ANKRD12: variants seen among roughly 807,000 people sequenced by gnomAD.
The protein encoded by ANKRD12 is ankyrin repeat domain-containing protein 12.
ANKRD12 carries 85 observed loss-of-function variants against 183.4 expected under a neutral mutation model. That is an observed-to-expected ratio of 0.46 (90% CI 0.39 to 0.56). The LOEUF (loss-of-function observed/expected upper bound fraction) is 0.56, where lower values mean the gene tolerates loss of function less well. Ranked by LOEUF, ANKRD12 falls within the 20% of genes least tolerant of loss-of-function variation. ANKRD12 has a pLI of 0.00. For missense variants in ANKRD12, 2,405 were observed against 2,357.1 expected (o/e 1.02, Z -0.42); for synonymous variants, 914 against 800.2 (o/e 1.14, Z -2.40).
At chr18:9,204,599 A>G (rs1341360859) in intron 4 of ANKRD12, 55 bp downstream of exon 4, 2 of 1,292,742 alleles carry the variant, frequency 1.5e-6, no homozygotes, top group Non-Finnish European at 2.2e-6. Context: ...CACATTTACA[A>G]TTAATTATTG....
chr18:9,218,007 C>T (rs556693373), intron 7 of ANKRD12, among the ~76,000 whole-genome samples: 9 of 152,234 alleles, frequency 5.9e-5, no homozygotes, highest in Admixed American at 5.9e-4. Context: ...TTGAATTTAT[C>T]GGAAACTGAC....
At chr18:9,166,790 C>T (rs1421364211) in intron 1 of ANKRD12, among the ~76,000 whole-genome samples, 1 of 152,098 alleles carries the variant, frequency 6.6e-6, no homozygotes, top group Non-Finnish European at 1.5e-5. Flanking sequence ...GAAGTCCTTG[C>T]CCATGCCTGT....
intron 2 of ANKRD12, among the ~76,000 whole-genome samples, chr18:9,189,102 A>G (rs2034292325): frequency 1.3e-5 from 2 of 152,230 alleles, no homozygotes; most frequent in South Asian, 2.1e-4. Flanking sequence ...GAAGAACACT[A>G]AAAGTGCTGT....
At chr18:9,219,833 A>G (rs2036317770) in intron 7 of ANKRD12, among the ~76,000 whole-genome samples, 1 of 151,934 alleles carries the variant, frequency 6.6e-6, no homozygotes, top group South Asian at 2.1e-4. Context: ...GGAAACGACT[A>G]TTAGATCAAA....
At chr18:9,280,003 GA>G (rs2040033455) in intron 12 of ANKRD12, among the ~76,000 whole-genome samples, 1 of 152,148 alleles carries the variant, frequency 6.6e-6, no homozygotes, top group East Asian at 1.9e-4. Context: ...AATCATTTCA[GA>G]AGTCTTTCCC....
At chr18:9,208,298 TTA>T (rs1211754728) in intron 4 of ANKRD12, among the ~76,000 whole-genome samples, 1 of 152,150 alleles carries the variant, frequency 6.6e-6, no homozygotes, top group Non-Finnish European at 1.5e-5. Flanking sequence ...ACAAATAAAA[TTA>T]TAGTGAATAA....
At position 9,258,443 on chromosome 18, in the gene ANKRD12, A is replaced by G. The variant is rs184284763; in HGVS notation, c.5176A>G (p.Lys1726Glu). 143 of 1,613,834 alleles carry G rather than the reference A, an allele frequency of 8.9e-5. No homozygotes were observed. The highest frequency in any genetic ancestry group is 1.7e-4 in the Admixed American group (10 of 59,894). Reference protein sequence around the residue: ...VELEENAEDDKTENQIPQRMT... With the variant: ...VELEENAEDDETENQIPQRMT... ...ATTAGAAGAAAATGCCGAAGATGAT[A>G]AAACTGAAAACCAAATCCCTCAAAG... The change falls in exon 9 of 13, where the codon AAA becomes GAA. Residue 1726 changes from lysine to glutamate, a missense_variant. Physicochemically the swap from Lys to Glu is moderately conservative, Grantham distance 56 (BLOSUM62 1). Around this residue, in one of 7 missense-constraint regions of ANKRD12, gnomAD observed 1,983 missense variants for 1,725.9 expected, o/e 1.15. Coordinates refer to ENST00000262126, the MANE Select transcript of ANKRD12 (RefSeq NM_015208.5).
rs1335670076 is a variant in ANKRD12, at chr18:9,256,608, A to T, written c.3341A>T (p.Asn1114Ile). Residue 1114 changes from asparagine to isoleucine, a missense_variant, in exon 9 of 13, where the codon AAC (asparagine) becomes ATC (isoleucine). This residue lies in a region of ANKRD12 where 1,983 missense variants were observed against 1,725.9 expected (regional missense o/e 1.15). Transcript: ENST00000262126. ...QKEKERLRNR[N>I]CLELKIKDKE... ...GAAAAGGAACGGTTGAGAAACCGAAACTGTTTAGAACTTAAAATAAAAGAT... is the reference window on the plus strand; with the variant it reads ...GAAAAGGAACGGTTGAGAAACCGAATCTGTTTAGAACTTAAAATAAAAGAT... The T allele has an allele frequency of 6.2e-7, 1 of 1,600,662 alleles. No individual in the cohort carries two copies.
intron 1 of ANKRD12, among the ~76,000 whole-genome samples, chr18:9,178,674 T>TA (rs985041189): frequency 2.0e-5 from 3 of 152,038 alleles, no homozygotes; most frequent in Admixed American, 1.3e-4. Flanking sequence ...TCAGTTTCCA[T>TA]AAAAAACAAA....
chr18:9,173,577 T>C (rs7505814), intron 1 of ANKRD12, among the ~76,000 whole-genome samples: 116,646 of 147,518 alleles, frequency 0.79, 46,187 homozygotes, highest in Middle Eastern at 0.89. Flanking sequence ...AAGATGGCAG[T>C]CTGCTCCTTC....
rs1347775200 is a variant in ANKRD12 at position 9,256,939 on chromosome 18, GCCT to G, written c.3675_3677del (p.Pro1226del). On this transcript the variant is annotated inframe_deletion, in exon 9 of 13. Coordinates refer to ENST00000262126, the MANE Select transcript of ANKRD12 (RefSeq NM_015208.5). ...GCCATACTACAGTGACAACCCCAAG[GCCT>G]CCAGTTGAGTATGACTCTGACTTTA... 1.2e-6 allele frequency: 2 copies of G among 1,614,002 alleles called. No individual in the cohort carries two copies. Among genetic ancestry groups the G allele is most frequent in the Non-Finnish European group, 1.7e-6 (2 of 1,179,980 alleles).
chr18:9,271,775 T>C (rs1447159847), intron 10 of ANKRD12, among the ~76,000 whole-genome samples: 1 of 152,238 alleles, frequency 6.6e-6, no homozygotes, highest in South Asian at 2.1e-4. Context: ...CAGATACTTA[T>C]GATTCTACTG....
At chr18:9,179,675 C>G (rs1191808219) in intron 1 of ANKRD12, among the ~76,000 whole-genome samples, 1 of 152,028 alleles carries the variant, frequency 6.6e-6, no homozygotes, top group African/African-American at 2.4e-5. Flanking sequence ...ACCACCATGC[C>G]CAGCTAATTT....
rs186703787 is a variant in ANKRD12 at position 9,154,485 on chromosome 18, G to A, written c.-52+17520G>A. Among the ~76,000 whole-genome samples the A allele has an allele frequency of 3.9e-5, 6 of 152,242 alleles. No individual in the cohort carries two copies. The East Asian group carries it at 7.7e-4, about 20-fold the overall frequency. On this transcript the variant is annotated intron_variant, in intron 1 of 12. Coordinates refer to ENST00000262126, the MANE Select transcript of ANKRD12 (RefSeq NM_015208.5). The stretch of plus-strand genomic sequence containing the variant: ...CACCTGTACTCCTAGCTGCTTGGGC[G>A]ACCGAGGTGGGCAGATCGCTTGAGC...
In ANKRD12 at chr18:9,208,745, C is replaced by G. The variant is rs762894996; in HGVS notation, c.393C>G (p.Leu131=). The G allele has an allele frequency of 6.2e-7, 1 of 1,610,684 alleles. No individual in the cohort carries two copies. Among genetic ancestry groups the G allele is most frequent in the South Asian group, 1.1e-5 (1 of 90,308 alleles). The change falls in exon 5 of 13, where the codon CTC becomes CTG. Residue 131 remains leucine, a synonymous_variant. Transcript: ENST00000262126. ...TPVSILFGYP[L]SERKQMALLM... is the part of the protein sequence containing the mutation. Reference sequence around the variant, plus strand: ...TTAGCATTCTTTTTGGTTATCCACTCTCTGAGCGAAAACAGATGGCACTTC... The same window carrying G: ...TTAGCATTCTTTTTGGTTATCCACTGTCTGAGCGAAAACAGATGGCACTTC...
At chr18:9,197,739 T>G (rs2034928759) in intron 3 of ANKRD12, among the ~76,000 whole-genome samples, 1 of 152,222 alleles carries the variant, frequency 6.6e-6, no homozygotes, top group African/African-American at 2.4e-5. Flanking sequence ...ATTATAAAGA[T>G]CTTCATCCTC....
In ANKRD12 at chr18:9,270,532, G is replaced by A. The variant is rs926814493; in HGVS notation, c.5764-4992G>A. Among the ~76,000 whole-genome samples, 8 of 152,094 alleles carry A rather than the reference G, an allele frequency of 5.3e-5. No homozygotes were observed. The East Asian group carries it at 1.2e-3, about 22-fold the overall frequency. ...TCGCAAGGACAAAAAACCAAACAGTGCATGTTCTCACTCATAGGTGGGAAT... is the reference window on the plus strand; with the variant it reads ...TCGCAAGGACAAAAAACCAAACAGTACATGTTCTCACTCATAGGTGGGAAT... On this transcript the variant is annotated intron_variant, in intron 10 of 12. Coordinates refer to ENST00000262126, the MANE Select transcript of ANKRD12 (RefSeq NM_015208.5).
At chr18:9,177,670 A>G (rs1329233176) in intron 1 of ANKRD12, among the ~76,000 whole-genome samples, 1 of 152,146 alleles carries the variant, frequency 6.6e-6, no homozygotes, top group East Asian at 1.9e-4. Flanking sequence ...GCTGTCAAAC[A>G]TTAGAACTTA....
At chr18:9,171,117 TG>T (rs878876818) in intron 1 of ANKRD12, among the ~76,000 whole-genome samples, 1 of 152,148 alleles carries the variant, frequency 6.6e-6, no homozygotes, top group Non-Finnish European at 1.5e-5. Context: ...CCGCCCCTAC[TG>T]GGGGTGCCTC....
Sources: allele counts gnomAD v4.1 joint callset (sites outside exome capture counted in the v4.1 genomes callset), GRCh38; gene constraint gnomAD v4.1.1; regional missense constraint gnomAD v4.1.1; transcripts MANE v1.5; gene names NCBI Gene and HGNC (gene_info 2026-07-23, HGNC 2026-07-21).